CTTNBP2: variants seen among roughly 807,000 people sequenced by gnomAD.
CTTNBP2 encodes cortactin-binding protein 2.
CTTNBP2 carries 108 observed loss-of-function variants against 156.9 expected under a neutral mutation model. The observed-to-expected ratio is 0.69, with a 90% CI of 0.59 to 0.81. CTTNBP2 has a LOEUF of 0.81. Ranked by LOEUF, CTTNBP2 falls within the 30% of genes least tolerant of loss-of-function variation. The pLI, the probability that CTTNBP2 is intolerant of heterozygous loss-of-function variation, is 0.00. For missense variants in CTTNBP2, 1,924 were observed against 2,035.4 expected, an observed-to-expected ratio of 0.95 and a Z score of 1.05; for synonymous variants, 767 against 751.8, an observed-to-expected ratio of 1.02 and a Z score of -0.33.
rs550774805 is a variant in CTTNBP2 at position 117,719,591 on chromosome 7, T to A, written c.4557A>T (p.Arg1519Ser). 1.9e-6 allele frequency: 3 copies of A among 1,613,430 alleles called. No individual in the cohort carries two copies. Among genetic ancestry groups the A allele is most frequent in the Non-Finnish European group, 2.5e-6 (3 of 1,179,570 alleles). ...DLSLTLNLDQ[R>S]LSLGSDDEAD... ...CTTCGTCATCTGAACCCAGAGAGAG[T>A]CTCTGATCCAAATTCAACGTCAGTG... is the stretch of plus-strand genomic sequence containing the variant. Residue 1519 changes from arginine (R) to serine (S), a missense_variant, in exon 21 of 23, where the codon AGA (arginine) becomes AGT (serine). Coordinates refer to ENST00000160373, the MANE Select transcript of CTTNBP2 (RefSeq NM_033427.3).
chr7:117,823,739 C>G (rs1801113668), intron 2 of CTTNBP2, among the ~76,000 whole-genome samples: 1 of 152,156 alleles, frequency 6.6e-6, no homozygotes, highest in African/African-American at 2.4e-5. Flanking sequence ...TGCTCTGTCA[C>G]CCAGGCTGGA....
chr7:117,756,492 C>T, intron 12 of CTTNBP2, 63 bp downstream of exon 12: 1 of 1,286,930 alleles, frequency 7.8e-7, no homozygotes, highest in South Asian at 1.2e-5. Flanking sequence ...TAAAAATGGG[C>T]CACCCAATTT....
chr7:117,860,104 T>A (rs1455930618), intron 2 of CTTNBP2, among the ~76,000 whole-genome samples: 1 of 152,124 alleles, frequency 6.6e-6, no homozygotes, highest in Non-Finnish European at 1.5e-5. Context: ...TAAGACAAGG[T>A]TTGAGGAAAC....
At chr7:117,866,812 G>A (rs1644945802) in intron 1 of CTTNBP2, among the ~76,000 whole-genome samples, 1 of 152,118 alleles carries the variant, frequency 6.6e-6, no homozygotes. Flanking sequence ...GCGTTTGTGA[G>A]GTACTTGAGG....
intron 2 of CTTNBP2, among the ~76,000 whole-genome samples, chr7:117,811,641 T>G (rs1800285716): frequency 6.6e-6 from 1 of 152,082 alleles, no homozygotes. Flanking sequence ...ATTAAAATAA[T>G]TTTTAGCTAA....
chr7:117,726,461 A>G (rs1445162939), intron 17 of CTTNBP2, among the ~76,000 whole-genome samples: 1 of 152,196 alleles, frequency 6.6e-6, no homozygotes, highest in Admixed American at 6.5e-5. Context: ...AAAAGTGCTG[A>G]AGTATAAATA....
intron 3 of CTTNBP2, among the ~76,000 whole-genome samples, chr7:117,807,762 C>T (rs1427146318): frequency 6.6e-6 from 1 of 152,206 alleles, no homozygotes. Context: ...AAAGCTGCAG[C>T]ATCCATTTCT....
chr7:117,844,417 G>A (rs551286311), intron 2 of CTTNBP2, among the ~76,000 whole-genome samples: 2 of 152,244 alleles, frequency 1.3e-5, no homozygotes, highest in East Asian at 3.9e-4. Context: ...CCAACAAGAT[G>A]TACAGAGAGA....
At chr7:117,755,683 C>T (rs1208165543) in intron 12 of CTTNBP2, 1 of 389,402 alleles carries the variant, frequency 2.6e-6, no homozygotes, top group Non-Finnish European at 5.0e-6. Context: ...TTAATGAATG[C>T]AAAGCATTAC....
chr7:117,777,730 A>G lies in CTTNBP2; in HGVS notation c.2559T>C (p.Thr853=). The G allele has an allele frequency of 6.2e-7, 1 of 1,613,930 alleles. No homozygotes were observed. Among genetic ancestry groups the G allele is most frequent in the East Asian group, 2.2e-5 (1 of 44,888 alleles). The change falls in exon 8 of 23, where the codon ACT becomes ACC. Residue 853 remains threonine (T), a synonymous_variant. Coordinates refer to ENST00000160373, the MANE Select transcript of CTTNBP2 (RefSeq NM_033427.3). ...GWTPVHAAVD[T]GNVDSLKLLM... ...GAAGCTTGAGGCTGTCCACATTACC[A>G]GTGTCCACAGCTGCGTGAACTGGTG...
chr7:117,802,689 A>C (rs538663013), intron 3 of CTTNBP2, among the ~76,000 whole-genome samples: 5 of 152,314 alleles, frequency 3.3e-5, no homozygotes, highest in Non-Finnish European at 7.4e-5. Flanking sequence ...ATCAACAAGC[A>C]AAAAGCAAAT....
intron 2 of CTTNBP2, among the ~76,000 whole-genome samples, chr7:117,847,581 G>A (rs1279159538): frequency 6.6e-6 from 1 of 152,124 alleles, no homozygotes; most frequent in Admixed American, 6.5e-5. Context: ...AAAATAACTA[G>A]CCAAATTATT....
chr7:117,728,062 A>C, intron 17 of CTTNBP2, 27 bp downstream of exon 17: 1 of 1,600,938 alleles, frequency 6.2e-7, no homozygotes, highest in Middle Eastern at 1.7e-4. Flanking sequence ...TATCATAAGC[A>C]GAAAGATAAG....
intron 4 of CTTNBP2, among the ~76,000 whole-genome samples, chr7:117,790,196 G>A (rs1341992991): frequency 6.6e-6 from 1 of 152,178 alleles, no homozygotes; most frequent in African/African-American, 2.4e-5. Context: ...CACATTTTGA[G>A]GGGTAAAATT....
intron 1 of CTTNBP2, among the ~76,000 whole-genome samples, chr7:117,872,906 A>C (rs1001293659): frequency 1.9e-4 from 29 of 151,890 alleles, no homozygotes; most frequent in Non-Finnish European, 1.3e-4. Flanking sequence ...GCTGAGCGGT[A>C]CCAGGCACCC....
At chr7:117,784,181 CAATTGAT>C in intron 5 of CTTNBP2, 63 bp downstream of exon 5, 1 of 1,192,832 alleles carries the variant, frequency 8.4e-7, no homozygotes. Context: ...CTGCTCATTA[CAATTGAT>C]ACATGGGCTT....
intron 2 of CTTNBP2, among the ~76,000 whole-genome samples, chr7:117,844,634 C>G (rs936577319): frequency 2.0e-5 from 3 of 152,060 alleles, no homozygotes; most frequent in Admixed American, 2.0e-4. Context: ...CAAAAGGAAA[C>G]AATGTCACAA....
At chr7:117,757,800 T>TTC in intron 11 of CTTNBP2, 75 bp downstream of exon 11, 2 of 927,868 alleles carry the variant, frequency 2.2e-6, no homozygotes, top group Admixed American at 5.7e-5. Context: ...AACGTGAAGA[T>TTC]TTAAGAACTG....
intron 3 of CTTNBP2, 39 bp downstream of exon 3, chr7:117,810,726 C>A: frequency 6.6e-7 from 1 of 1,522,414 alleles, no homozygotes; most frequent in Non-Finnish European, 9.1e-7. Context: ...CATTGGACAC[C>A]ATGTTGTGGG....
Sources: gnomAD v4.1 joint callset for allele counts (sites outside exome capture counted in the v4.1 genomes callset) on GRCh38, gnomAD v4.1.1 for gene constraint, MANE v1.5 for transcripts, NCBI Gene and HGNC (gene_info 2026-07-23, HGNC 2026-07-21) for gene names.